The following PDE8B variants were observed in gnomAD, a reference collection of about 807,000 sequenced individuals.
PDE8B encodes high affinity cAMP-specific and IBMX-insensitive 3',5'-cyclic phosphodiesterase 8B.
Under a neutral mutation model 101.3 loss-of-function variants are expected in PDE8B, and 26 were observed. The observed-to-expected ratio is 0.26, with a 90% CI of 0.19 to 0.36. PDE8B has a LOEUF of 0.36. Ranked by LOEUF, PDE8B falls within the 10% of genes least tolerant of loss-of-function variation. The probability of loss-of-function intolerance (pLI) is 1.00; values close to 1 mark genes in which losing one functional copy is unlikely to be tolerated. For synonymous variants in PDE8B, 424 were observed against 429.3 expected (o/e 0.99, Z 0.15); for missense variants, 810 against 1,163.1 (o/e 0.70, Z 4.42).
chr5:77,362,054 C>A (rs1296282261), intron 10 of PDE8B, among the ~76,000 whole-genome samples: 9 of 152,130 alleles, frequency 5.9e-5, no homozygotes, highest in Admixed American at 5.9e-4. Context: ...AAATTTATTT[C>A]TTAAAGGGCC....
chr5:77,221,983 C>T (rs1219745679), intron 1 of PDE8B, among the ~76,000 whole-genome samples: 1 of 152,184 alleles, frequency 6.6e-6, no homozygotes, highest in Non-Finnish European at 1.5e-5. Flanking sequence ...CTAGCCCTCT[C>T]TAGTCATGCC....
At chr5:77,305,791 GCAGA>G (rs1300675695) in intron 1 of PDE8B, among the ~76,000 whole-genome samples, 14 of 152,366 alleles carry the variant, frequency 9.2e-5, no homozygotes, top group Non-Finnish European at 1.3e-4. Flanking sequence ...CAACAGGGCA[GCAGA>G]CAGAGTTGAT....
At chr5:77,157,601 G>T in the PDE8B span, among the ~76,000 whole-genome samples, 2 of 152,142 alleles carry the variant, frequency 1.3e-5, no homozygotes, top group Admixed American at 6.5e-5. Flanking sequence ...GTGGATAGAG[G>T]ACACACTCTA....
In PDE8B at chr5:77,383,282, GTTGT is replaced by G. The variant is rs370557612; in HGVS notation, c.1168-16959_1168-16956del. Among the ~76,000 whole-genome samples the G allele has an allele frequency of 7.1e-3, 1,087 of 152,240 alleles. 38 individuals are homozygous for G. The East Asian group carries it at 0.13, about 18-fold the overall frequency. Reference sequence around the variant, plus strand: ...TATCCTTCGCCCACTTGTTGATGGGGTTGTTTGTTTTTTTCTTGTAAATTTGTTT... The same window carrying G: ...TATCCTTCGCCCACTTGTTGATGGGGTTGTTTTTTTCTTGTAAATTTGTTT... On this transcript the variant is annotated intron_variant, in intron 10 of 21. Coordinates refer to ENST00000264917, the MANE Select transcript of PDE8B (RefSeq NM_003719.5).
the PDE8B span, among the ~76,000 whole-genome samples, chr5:77,149,332 G>A: frequency 2.0e-5 from 3 of 152,178 alleles, no homozygotes; most frequent in Non-Finnish European, 4.4e-5. Context: ...TTAGTTTTCA[G>A]AATAGTTTTG....
chr5:77,331,331 C>G, intron 4 of PDE8B, 71 bp from the exon 5 acceptor site: 1 of 1,355,592 alleles, frequency 7.4e-7, no homozygotes. Context: ...TCATTGCTCT[C>G]TCTCCGTGTT....
At chr5:77,314,579 G>T (rs542354725) in intron 2 of PDE8B, among the ~76,000 whole-genome samples, 4 of 152,030 alleles carry the variant, frequency 2.6e-5, no homozygotes, top group African/African-American at 9.7e-5. Flanking sequence ...CTGAACTCAT[G>T]TATTAGTTTT....
chr5:77,267,458 G>T (rs918319170), intron 1 of PDE8B, among the ~76,000 whole-genome samples: 25 of 148,996 alleles, frequency 1.7e-4, no homozygotes, highest in African/African-American at 6.4e-4. Context: ...AAAAAAAAGG[G>T]TGGAAAACAT....
At chr5:77,128,220 C>T in the PDE8B span, among the ~76,000 whole-genome samples, 115 of 152,308 alleles carry the variant, frequency 7.6e-4, no homozygotes, top group African/African-American at 2.7e-3. Flanking sequence ...CAGGTGAGAA[C>T]CTTAATTGTG....
chr5:77,125,875 A>G, the PDE8B span, among the ~76,000 whole-genome samples: 1 of 152,188 alleles, frequency 6.6e-6, no homozygotes, highest in South Asian at 2.1e-4. Context: ...AATTCTGGAG[A>G]TGGATGGTGG....
At chr5:77,190,258 G>T in the PDE8B span, among the ~76,000 whole-genome samples, 1 of 152,214 alleles carries the variant, frequency 6.6e-6, no homozygotes, top group Non-Finnish European at 1.5e-5. Flanking sequence ...TCTAAGGCCA[G>T]TCCTTGACTG....
chr5:77,373,006 C>T (rs941231745), intron 10 of PDE8B, among the ~76,000 whole-genome samples: 4 of 149,158 alleles, frequency 2.7e-5, no homozygotes, highest in Non-Finnish European at 4.4e-5. Context: ...CCAGCCTGGG[C>T]GACAGAGTGA....
chr5:77,184,196 G>A, the PDE8B span, among the ~76,000 whole-genome samples: 5 of 152,124 alleles, frequency 3.3e-5, no homozygotes, highest in East Asian at 5.8e-4. Context: ...AAACTCCTAA[G>A]TTCAAGTGAT....
chr5:77,407,943 ATAGT>A (rs924870897), intron 13 of PDE8B, among the ~76,000 whole-genome samples: 4 of 152,194 alleles, frequency 2.6e-5, no homozygotes, highest in African/African-American at 7.2e-5. Context: ...CAGCAGGGAC[ATAGT>A]TAGGAGTTTG....
intron 1 of PDE8B, among the ~76,000 whole-genome samples, chr5:77,221,008 G>T (rs41361846): frequency 1.3e-5 from 2 of 152,166 alleles, no homozygotes; most frequent in South Asian, 2.1e-4. Context: ...CAGGTAAAAA[G>T]GGGTGTGTCG....
At chr5:77,260,040 T>C (rs1181831312) in intron 1 of PDE8B, among the ~76,000 whole-genome samples, 2 of 151,480 alleles carry the variant, frequency 1.3e-5, no homozygotes, top group African/African-American at 4.9e-5. Flanking sequence ...GGCCCATGCC[T>C]ATAATCCCAG....
At chr5:77,093,714 A>G in the PDE8B span, among the ~76,000 whole-genome samples, 1 of 152,186 alleles carries the variant, frequency 6.6e-6, no homozygotes, top group Non-Finnish European at 1.5e-5. Flanking sequence ...CCTTGTAGGA[A>G]ACAGATGCAT....
chr5:77,308,687 A>C (rs890335010), intron 1 of PDE8B, among the ~76,000 whole-genome samples: 12 of 152,176 alleles, frequency 7.9e-5, no homozygotes, highest in Admixed American at 3.9e-4. Context: ...GCTGTGACAC[A>C]GTGGCCATTG....
At chr5:77,213,501 T>C (rs1350256904) in intron 1 of PDE8B, among the ~76,000 whole-genome samples, 2 of 152,272 alleles carry the variant, frequency 1.3e-5, no homozygotes, top group Non-Finnish European at 2.9e-5. Context: ...AAAGTTCACA[T>C]GTTCTGTGCC....
Sources: gnomAD v4.1 joint callset for allele counts (sites outside exome capture counted in the v4.1 genomes callset) on GRCh38, gnomAD v4.1.1 for gene constraint, MANE v1.5 for transcripts, NCBI Gene and HGNC (gene_info 2026-07-23, HGNC 2026-07-21) for gene names.